DDHD1: variants seen among roughly 807,000 people sequenced by gnomAD.
The protein encoded by DDHD1 is DDHD domain containing 1.
A neutral mutation model predicts 96.4 loss-of-function variants in DDHD1; 49 were observed. The observed-to-expected ratio is 0.51, with a 90% CI of 0.40 to 0.64. The LOEUF (loss-of-function observed/expected upper bound fraction) is 0.64, where lower values mean the gene tolerates loss of function less well. DDHD1 is among the 30% of genes least tolerant of loss of function. The probability of loss-of-function intolerance (pLI) is 0.00; values close to 1 mark genes in which losing one functional copy is unlikely to be tolerated. For synonymous variants in DDHD1, 442 were observed against 446.5 expected (o/e 0.99, Z 0.13); for missense variants, 1,106 against 1,161.2 (o/e 0.95, Z 0.69).
At chr14:53,137,061 T>C (rs529755749) in intron 1 of DDHD1, among the ~76,000 whole-genome samples, 1 of 151,740 alleles carries the variant, frequency 6.6e-6, no homozygotes, top group Admixed American at 6.6e-5. Flanking sequence ...AATACAAACA[T>C]GATGAGGAAG....
chr14:53,131,979 T>A (rs748806364), intron 1 of DDHD1, among the ~76,000 whole-genome samples: 15 of 152,124 alleles, frequency 9.9e-5, no homozygotes, highest in Non-Finnish European at 1.9e-4. Context: ...AAGCAAGAAC[T>A]CCTTTCCTTC....
chr14:53,064,994 T>TGTA, intron 6 of DDHD1, among the ~76,000 whole-genome samples: 1 of 152,290 alleles, frequency 6.6e-6, no homozygotes, highest in South Asian at 2.1e-4. Context: ...TGTGACCAAG[T>TGTA]GTATTCATTT....
intron 6 of DDHD1, 33 bp from the exon 7 acceptor site, chr14:53,063,238 A>G: frequency 6.3e-7 from 1 of 1,599,724 alleles, no homozygotes; most frequent in South Asian, 1.1e-5. Context: ...ATCATATTAG[A>G]CTTGTCACTG....
At chr14:53,118,246 C>A (rs888398890) in intron 1 of DDHD1, among the ~76,000 whole-genome samples, 1 of 152,114 alleles carries the variant, frequency 6.6e-6, no homozygotes, top group Non-Finnish European at 1.5e-5. Flanking sequence ...AAAAACAGAG[C>A]GCCTCTTCTC....
intron 1 of DDHD1, among the ~76,000 whole-genome samples, chr14:53,141,641 T>A (rs570939052): frequency 6.6e-6 from 1 of 152,290 alleles, no homozygotes; most frequent in Admixed American, 6.5e-5. Flanking sequence ...ACAGAGGCAA[T>A]CAGAAGCTGA....
chr14:53,064,444 T>C (rs1883852851), intron 6 of DDHD1, among the ~76,000 whole-genome samples: 1 of 152,076 alleles, frequency 6.6e-6, no homozygotes, highest in Non-Finnish European at 1.5e-5. Flanking sequence ...TATTAAAGTT[T>C]GTTAAAAAAG....
intron 2 of DDHD1, among the ~76,000 whole-genome samples, chr14:53,102,384 C>T (rs575416170): frequency 6.6e-6 from 1 of 151,850 alleles, no homozygotes. Flanking sequence ...TATGTAAGAA[C>T]CTTTAGTTTA....
intron 11 of DDHD1, chr14:53,052,779 A>T (rs990740370): frequency 6.6e-6 from 1 of 151,944 alleles, no homozygotes; most frequent in Non-Finnish European, 1.5e-5. Context: ...TAAGACTCAT[A>T]ATTACCTCAT....
In DDHD1 at chr14:53,041,234, G is replaced by A. The variant is rs1881621615; in HGVS notation, c.*5534C>T. 1 of 152,114 alleles carries A rather than the reference G, an allele frequency of 6.6e-6. No homozygotes were observed. Among genetic ancestry groups the A allele is most frequent in the East Asian group, 1.9e-4 (1 of 5,204 alleles). 9.4% of individuals were successfully genotyped at this position (152,114 alleles called of 1,614,324 possible). On this transcript the variant is annotated 3_prime_UTR_variant, in exon 13 of 13. Coordinates refer to ENST00000673822, the MANE Select transcript of DDHD1 (RefSeq NM_001160148.2). ...ACATATCCTGACAACTGTTGGGTGG[G>A]GAGGAAGCAAGTTGTACCATGTTAC...
chr14:53,085,162 G>C (rs1022079629), intron 4 of DDHD1, among the ~76,000 whole-genome samples: 2 of 152,206 alleles, frequency 1.3e-5, no homozygotes, highest in Non-Finnish European at 2.9e-5. Flanking sequence ...AATGAGGCCC[G>C]CACGCCTCTG....
intron 4 of DDHD1, among the ~76,000 whole-genome samples, chr14:53,084,548 G>A (rs1301376905): frequency 1.3e-5 from 2 of 152,222 alleles, no homozygotes; most frequent in Non-Finnish European, 2.9e-5. Context: ...ATCAGGATCA[G>A]AGTGAAGAGA....
At chr14:53,127,144 T>A (rs552328176) in intron 1 of DDHD1, among the ~76,000 whole-genome samples, 25 of 152,282 alleles carry the variant, frequency 1.6e-4, no homozygotes, top group Non-Finnish European at 2.8e-4. Context: ...ATTGAGAAAT[T>A]TATTTAGAAA....
chr14:53,064,870 T>A (rs1883889281), intron 6 of DDHD1, among the ~76,000 whole-genome samples: 1 of 152,130 alleles, frequency 6.6e-6, no homozygotes, highest in African/African-American at 2.4e-5. Context: ...CGCTCATCAG[T>A]GAAAGGAGAA....
intron 1 of DDHD1, among the ~76,000 whole-genome samples, chr14:53,145,314 C>T (rs1304587097): frequency 6.6e-6 from 1 of 151,760 alleles, no homozygotes; most frequent in African/African-American, 2.4e-5. Flanking sequence ...CCCTGGGCAA[C>T]ATAGGAAGAC....
intron 1 of DDHD1, 29 bp downstream of exon 1, chr14:53,152,232 T>G: frequency 1.3e-6 from 2 of 1,564,444 alleles, no homozygotes; most frequent in Non-Finnish European, 1.7e-6. Context: ...GGGCAGCCCG[T>G]CCTGCCCTAA....
intron 2 of DDHD1, among the ~76,000 whole-genome samples, chr14:53,097,875 T>C (rs569412565): frequency 4.6e-5 from 7 of 151,876 alleles, no homozygotes; most frequent in African/African-American, 1.7e-4. Flanking sequence ...AGAAAAAAAT[T>C]TTTTTCATCC....
intron 1 of DDHD1, among the ~76,000 whole-genome samples, chr14:53,138,613 G>T (rs185318305): frequency 6.6e-4 from 100 of 152,256 alleles, no homozygotes; most frequent in African/African-American, 2.3e-3. Context: ...CCTTCAGAGA[G>T]CTGAGGTCAC....
chr14:53,047,050 T>C (rs1882072688), intron 12 of DDHD1, 101 bp from the exon 13 acceptor site: 2 of 885,776 alleles, frequency 2.3e-6, no homozygotes, highest in Non-Finnish European at 3.1e-6. Context: ...TAAATAGAAG[T>C]GATTCTGTCA....
intron 5 of DDHD1, among the ~76,000 whole-genome samples, chr14:53,072,970 T>A (rs971496908): frequency 6.6e-6 from 1 of 151,974 alleles, no homozygotes; most frequent in Non-Finnish European, 1.5e-5. Context: ...CTTTTTTGTA[T>A]GTACTGGCTT....
Sources: allele counts gnomAD v4.1 joint callset (sites outside exome capture counted in the v4.1 genomes callset), GRCh38; gene constraint gnomAD v4.1.1; transcripts MANE v1.5; gene names NCBI Gene and HGNC (gene_info 2026-07-23, HGNC 2026-07-21).